CDC42BPA: variants seen among roughly 807,000 people sequenced by gnomAD.
The protein encoded by CDC42BPA is serine/threonine-protein kinase MRCK alpha.
Under a neutral mutation model 223.5 loss-of-function variants are expected in CDC42BPA, and 80 were observed. The observed-to-expected ratio is 0.36, with a 90% CI of 0.30 to 0.43. The LOEUF is 0.43. Among genes scored for constraint, CDC42BPA ranks in the 20% least tolerant of loss-of-function variants. The probability of loss-of-function intolerance (pLI) is 1.00; values close to 1 mark genes in which losing one functional copy is unlikely to be tolerated. For missense variants in CDC42BPA, 1,743 were observed against 2,099.9 expected (o/e 0.83, Z 3.32); for synonymous variants, 694 against 718.6 (o/e 0.97, Z 0.55).
rs947900130 is a variant in CDC42BPA at position 227,318,155 on chromosome 1, G to A, written c.-973C>T. 2 of 167,264 alleles carry A rather than the reference G, an allele frequency of 1.2e-5. No individual in the cohort carries two copies. The highest frequency in any genetic ancestry group is 6.4e-5 in the Admixed American group (1 of 15,620). 10.4% of individuals were successfully genotyped at this position (167,264 alleles called of 1,614,324 possible). A position where few individuals can be genotyped will look rare whatever the true frequency, so the allele number is the denominator to read the frequency against. On this transcript the variant is annotated 5_prime_UTR_variant, in exon 1 of 37. Coordinates refer to ENST00000366766, the MANE Select transcript of CDC42BPA (RefSeq NM_001394014.1). ...CCGGAGGCTCCCGACGCCCCAGGCG[G>A]GGGGGTGCTTCTCTGAATTCAAAGG... is the stretch of plus-strand genomic sequence containing the variant.
chr1:227,084,847 G>A (rs1023193408), intron 16 of CDC42BPA, among the ~76,000 whole-genome samples: 1 of 148,372 alleles, frequency 6.7e-6, no homozygotes, highest in Non-Finnish European at 1.5e-5. Flanking sequence ...GTGTCTCTGC[G>A]TAACACTTGA....
At chr1:227,124,588 G>A (rs141740855) in intron 11 of CDC42BPA, among the ~76,000 whole-genome samples, 1 of 152,182 alleles carries the variant, frequency 6.6e-6, no homozygotes, top group African/African-American at 2.4e-5. Flanking sequence ...AGAAAGAAAG[G>A]GTAGGAAAAA....
Position 227,055,849 on chromosome 1 carries a change from T to G in CDC42BPA, c.2905-3864A>C, listed in dbSNP as rs77207142. On this transcript the variant is annotated intron_variant, in intron 21 of 36. Transcript: ENST00000366766. ...AGGTGTTACTCTGACGAACAGTCATTAGAAACATCTACTATATTTCAGTAT... is the reference window on the plus strand; with the variant it reads ...AGGTGTTACTCTGACGAACAGTCATGAGAAACATCTACTATATTTCAGTAT... 5.3e-4 allele frequency among the ~76,000 whole-genome samples: 81 copies of G among 152,156 alleles called. No homozygotes were observed. The East Asian group carries it at 6.7e-3, about 13-fold the overall frequency.
intron 15 of CDC42BPA, among the ~76,000 whole-genome samples, chr1:227,093,204 C>T (rs909805914): frequency 1.3e-5 from 2 of 152,172 alleles, no homozygotes; most frequent in Admixed American, 1.3e-4. Flanking sequence ...TGACACTCAA[C>T]CTGGGGCCAT....
intron 1 of CDC42BPA, among the ~76,000 whole-genome samples, chr1:227,302,829 C>T (rs1691881420): frequency 6.6e-6 from 1 of 151,984 alleles, no homozygotes; most frequent in South Asian, 2.1e-4. Context: ...TGGCTTTTTG[C>T]TCCACTTTTC....
chr1:227,215,286 G>T (rs997967140), intron 2 of CDC42BPA, among the ~76,000 whole-genome samples: 3 of 152,130 alleles, frequency 2.0e-5, no homozygotes, highest in African/African-American at 7.2e-5. Context: ...TTGGGGAGTG[G>T]TGATAGCATG....
chr1:227,305,901 G>A (rs576723829), intron 1 of CDC42BPA, among the ~76,000 whole-genome samples: 21 of 152,320 alleles, frequency 1.4e-4, no homozygotes, highest in Admixed American at 1.0e-3. Context: ...AGAAGGCGGA[G>A]GCTGCAGTGA....
chr1:227,010,074 C>T (rs1289137413), intron 34 of CDC42BPA, among the ~76,000 whole-genome samples: 1 of 152,024 alleles, frequency 6.6e-6, no homozygotes, highest in East Asian at 1.9e-4. Flanking sequence ...AAAATGTTCC[C>T]TTGAAGTTAC....
intron 1 of CDC42BPA, among the ~76,000 whole-genome samples, chr1:227,269,905 T>C (rs1471972154): frequency 6.6e-6 from 1 of 152,144 alleles, no homozygotes; most frequent in Non-Finnish European, 1.5e-5. Context: ...GTGGAAGAAA[T>C]ATTATATTGC....
intron 29 of CDC42BPA, among the ~76,000 whole-genome samples, chr1:227,030,024 C>T (rs2150871): frequency 0.15 from 23,390 of 151,652 alleles, 2,190 homozygotes; most frequent in African/African-American, 0.25. Flanking sequence ...ATCCCAGCTA[C>T]TGGGAGGCTG....
chr1:227,156,110 C>A (rs1312626891), intron 6 of CDC42BPA, among the ~76,000 whole-genome samples: 2 of 148,832 alleles, frequency 1.3e-5, no homozygotes, highest in African/African-American at 4.9e-5. Flanking sequence ...AATAAAGTTT[C>A]TTCATTATAG....
At chr1:227,289,185 A>T (rs966822084) in intron 1 of CDC42BPA, among the ~76,000 whole-genome samples, 5 of 152,132 alleles carry the variant, frequency 3.3e-5, no homozygotes, top group African/African-American at 1.2e-4. Context: ...ATAAATCTAG[A>T]TATCACCCTT....
intron 21 of CDC42BPA, among the ~76,000 whole-genome samples, chr1:227,056,371 C>A (rs1674552322): frequency 6.7e-6 from 1 of 149,848 alleles, no homozygotes; most frequent in South Asian, 2.1e-4. Context: ...TAAAAAGTCC[C>A]AGTTTCTTTT....
intron 3 of CDC42BPA, among the ~76,000 whole-genome samples, chr1:227,208,947 AG>A (rs1431280385): frequency 1.3e-5 from 2 of 152,090 alleles, no homozygotes; most frequent in African/African-American, 4.8e-5. Context: ...TACCATGGGC[AG>A]TATGGCCATT....
At position 227,042,497 on chromosome 1, in the gene CDC42BPA, G is replaced by A. The variant is rs1003048711; in HGVS notation, c.3094-2261C>T. Among the ~76,000 whole-genome samples the A allele has an allele frequency of 9.2e-5, 14 of 152,074 alleles. 1 individual carries two copies. The highest frequency in any genetic ancestry group is 1.5e-4 in the Non-Finnish European group (10 of 67,980). On this transcript the variant is annotated intron_variant, in intron 23 of 36. Transcript: ENST00000366766. ...GTGTAATCCACTACTAAAGATTAAC[G>A]GGTTTATATTTCACTAATCTCCACT...
chr1:227,293,849 T>G (rs1690136075), intron 1 of CDC42BPA, among the ~76,000 whole-genome samples: 1 of 152,094 alleles, frequency 6.6e-6, no homozygotes, highest in Non-Finnish European at 1.5e-5. Flanking sequence ...CTTCACTACC[T>G]TATAAAATAA....
At chr1:227,186,536 G>A (rs1401272405) in intron 5 of CDC42BPA, among the ~76,000 whole-genome samples, 6 of 152,046 alleles carry the variant, frequency 3.9e-5, no homozygotes, top group Non-Finnish European at 7.4e-5. Flanking sequence ...GAGGTGGCAG[G>A]GGTACTGAGA....
chr1:227,001,295 G>A (rs1448003913), intron 35 of CDC42BPA, among the ~76,000 whole-genome samples: 1 of 152,134 alleles, frequency 6.6e-6, no homozygotes, highest in African/African-American at 2.4e-5. Context: ...GATGCCCCTT[G>A]GCATTCCCGA....
In CDC42BPA at chr1:227,004,978, TA is replaced by T. The variant is rs780089085; in HGVS notation, c.4975+15del. 1 of 1,578,454 alleles carries T rather than the reference TA, an allele frequency of 6.3e-7. No individual in the cohort carries two copies. Among genetic ancestry groups the T allele is most frequent in the Non-Finnish European group, 8.7e-7 (1 of 1,147,340 alleles). Reference sequence around the variant, plus strand: ...ACCCTGTCTCAGAGGCACCTTCCTGTAGCCCCGGCACTTACTTGCTGACAAG... The same window carrying T: ...ACCCTGTCTCAGAGGCACCTTCCTGTGCCCCGGCACTTACTTGCTGACAAG... On this transcript the variant is annotated intron_variant, in intron 35 of 36. Coordinates refer to ENST00000366766, the MANE Select transcript of CDC42BPA (RefSeq NM_001394014.1).
Sources: gnomAD v4.1 joint callset for allele counts (sites outside exome capture counted in the v4.1 genomes callset) on GRCh38, gnomAD v4.1.1 for gene constraint, MANE v1.5 for transcripts, NCBI Gene and HGNC (gene_info 2026-07-23, HGNC 2026-07-21) for gene names.